POLN: variants seen among roughly 807,000 people sequenced by gnomAD.
The protein encoded by POLN is DNA polymerase N.
In POLN, 108 loss-of-function variants were observed where a neutral mutation model predicts 113.5. That is an observed-to-expected ratio of 0.95 (90% CI 0.81 to 1.12). The LOEUF is 1.12. Ranked by LOEUF, POLN falls within the 50% of genes most tolerant of loss-of-function variation. The pLI, the probability that POLN is intolerant of heterozygous loss-of-function variation, is 0.00. For missense variants in POLN, 1,097 were observed against 1,077.1 expected (o/e 1.02, Z -0.26); for synonymous variants, 386 against 391.5 (o/e 0.99, Z 0.17).
At chr4:2,184,079 C>T (rs1034138615) in intron 7 of POLN, among the ~76,000 whole-genome samples, 1 of 151,538 alleles carries the variant, frequency 6.6e-6, no homozygotes, top group Non-Finnish European at 1.5e-5. Flanking sequence ...GTCTTGAACT[C>T]CTGACCTCAG....
chr4:2,120,421 C>A (rs1337956371), intron 19 of POLN, among the ~76,000 whole-genome samples: 1 of 152,046 alleles, frequency 6.6e-6, no homozygotes, highest in African/African-American at 2.4e-5. Flanking sequence ...CTTTCATCAG[C>A]ATTTTATACT....
intron 17 of POLN, among the ~76,000 whole-genome samples, chr4:2,129,648 T>C (rs1731671130): frequency 1.3e-5 from 2 of 152,216 alleles, no homozygotes; most frequent in Admixed American, 1.3e-4. Flanking sequence ...CCTTGGCCTC[T>C]CAAAGTGCTA....
At chr4:2,234,032 T>G (rs145683387) in intron 2 of POLN, among the ~76,000 whole-genome samples, 2,101 of 152,174 alleles carry the variant, frequency 0.014, 30 homozygotes, top group Non-Finnish European at 0.021. Flanking sequence ...AAGATACATA[T>G]GATATTGTTC....
At chr4:2,240,366 A>C in intron 2 of POLN, 1 of 1,604,704 alleles carries the variant, frequency 6.2e-7, no homozygotes, top group Non-Finnish European at 8.5e-7. Context: ...TTGCGATAAA[A>C]ATACCAGTGG....
At chr4:2,088,769 G>A in intron 20 of POLN, 2 of 1,308,406 alleles carry the variant, frequency 1.5e-6, no homozygotes, top group South Asian at 2.9e-5. Flanking sequence ...AGGTGATGCT[G>A]ATTTGAAGTC....
At chr4:2,160,067 C>A (rs751158102) in intron 13 of POLN, among the ~76,000 whole-genome samples, 1 of 152,102 alleles carries the variant, frequency 6.6e-6, no homozygotes, top group Non-Finnish European at 1.5e-5. Context: ...CTGTTTATAC[C>A]CCTTTCAGCA....
At chr4:2,082,117 G>A (rs1730436385) in intron 21 of POLN, among the ~76,000 whole-genome samples, 1 of 151,992 alleles carries the variant, frequency 6.6e-6, no homozygotes, top group South Asian at 2.1e-4. Flanking sequence ...ACGATGCCCA[G>A]CTAATTTTTT....
At chr4:2,159,052 G>T in intron 14 of POLN, 103 bp downstream of exon 14, 1 of 873,768 alleles carries the variant, frequency 1.1e-6, no homozygotes, top group Non-Finnish European at 1.9e-6. Flanking sequence ...TGAGAACACT[G>T]GGAGGGCTAC....
intron 3 of POLN, among the ~76,000 whole-genome samples, chr4:2,217,044 G>A (rs1329672156): frequency 6.6e-6 from 1 of 152,214 alleles, no homozygotes; most frequent in African/African-American, 2.4e-5. Flanking sequence ...CATGGTGAAT[G>A]TTCTTGGGTG....
chr4:2,215,199 T>C (rs1734082969), intron 3 of POLN, among the ~76,000 whole-genome samples: 1 of 152,188 alleles, frequency 6.6e-6, no homozygotes, highest in South Asian at 2.1e-4. Context: ...ATGAAATACA[T>C]AGCCACTAAA....
At chr4:2,077,004 A>AT (rs1008539350) in intron 23 of POLN, 40 of 149,300 alleles carry the variant, frequency 2.7e-4, no homozygotes, top group East Asian at 3.9e-4. Context: ...CAAGGAGGCT[A>AT]TTTTTTTTTT....
intron 7 of POLN, among the ~76,000 whole-genome samples, chr4:2,182,624 A>C (rs909818159): frequency 1.3e-5 from 2 of 152,190 alleles, no homozygotes; most frequent in Non-Finnish European, 2.9e-5. Flanking sequence ...AGACCTAGGA[A>C]ACTAATACAG....
intron 2 of POLN, chr4:2,239,925 A>G (rs1734909140): frequency 2.5e-6 from 2 of 802,300 alleles, no homozygotes; most frequent in African/African-American, 3.5e-5. Context: ...CAAAGAAAAT[A>G]AAATGTAATC....
intron 16 of POLN, among the ~76,000 whole-genome samples, chr4:2,144,104 G>T (rs962583100): frequency 1.3e-5 from 2 of 148,300 alleles, no homozygotes; most frequent in African/African-American, 5.0e-5. Flanking sequence ...TGTAAAAAGG[G>T]TCTTCTATAA....
chr4:2,170,895 G>A (rs1294360434), intron 12 of POLN, 121 bp from the exon 13 acceptor site: 4 of 966,902 alleles, frequency 4.1e-6, no homozygotes, highest in African/African-American at 3.3e-5. Context: ...ATTACAACAT[G>A]CTTAAATTCT....
chr4:2,085,999 G>T (rs1730540638), intron 20 of POLN, among the ~76,000 whole-genome samples: 1 of 152,202 alleles, frequency 6.6e-6, no homozygotes. Context: ...AGTAGACATG[G>T]TCCCTCCTCC....
chr4:2,227,289 A>G (rs1490369770), intron 3 of POLN, among the ~76,000 whole-genome samples: 6 of 152,186 alleles, frequency 3.9e-5, no homozygotes, highest in Non-Finnish European at 7.3e-5. Context: ...TTGGTCTGAA[A>G]GTCTACAAGA....
intron 16 of POLN, among the ~76,000 whole-genome samples, chr4:2,138,898 A>AAAAAG (rs565608160): frequency 8.9e-4 from 136 of 152,134 alleles, no homozygotes; most frequent in East Asian, 1.7e-3. Context: ...TGTCTCAAAA[A>AAAAAG]AAAAGAAAAG....
At chr4:2,213,009 T>A in intron 4 of POLN, 38 bp downstream of exon 4, 1 of 1,421,058 alleles carries the variant, frequency 7.0e-7, no homozygotes, top group Non-Finnish European at 9.8e-7. Flanking sequence ...AACAAATAAG[T>A]TATCTATTTA....
Sources: gnomAD v4.1 joint callset for allele counts (sites outside exome capture counted in the v4.1 genomes callset) on GRCh38, gnomAD v4.1.1 for gene constraint, MANE v1.5 for transcripts, NCBI Gene and HGNC (gene_info 2026-07-23, HGNC 2026-07-21) for gene names.